GPHN: variants seen among roughly 807,000 people sequenced by gnomAD.
GPHN encodes the protein gephyrin.
A neutral mutation model predicts 95.5 loss-of-function variants in GPHN; 17 were observed. That is an observed-to-expected ratio of 0.18 (90% CI 0.12 to 0.27). The LOEUF (loss-of-function observed/expected upper bound fraction) is 0.27. Ranked by LOEUF, GPHN falls within the 10% of genes least tolerant of loss-of-function variation. The probability of loss-of-function intolerance (pLI) is 1.00; values close to 1 mark genes in which losing one functional copy is unlikely to be tolerated. For synonymous variants in GPHN, 320 were observed against 322.5 expected (o/e 0.99, Z 0.08); for missense variants, 660 against 978.1 (o/e 0.67, Z 4.34).
At chr14:66,748,670 G>A (rs1250056002) in intron 2 of GPHN, among the ~76,000 whole-genome samples, 2 of 151,904 alleles carry the variant, frequency 1.3e-5, no homozygotes, top group Non-Finnish European at 2.9e-5. Flanking sequence ...TCTGATTTTG[G>A]ATTTTGGAAT....
chr14:67,733,099 T>C, the GPHN span, among the ~76,000 whole-genome samples: 9 of 151,224 alleles, frequency 6.0e-5, no homozygotes, highest in Non-Finnish European at 1.3e-4. Context: ...TGTGCACATG[T>C]ACCCTAAAAC....
At chr14:66,721,673 G>A (rs1031548978) in intron 2 of GPHN, among the ~76,000 whole-genome samples, 2 of 152,010 alleles carry the variant, frequency 1.3e-5, no homozygotes, top group African/African-American at 4.8e-5. Context: ...GATTTGGGCC[G>A]GGCACAGTGC....
At chr14:67,445,701 A>C in the GPHN span, among the ~76,000 whole-genome samples, 3 of 147,706 alleles carry the variant, frequency 2.0e-5, no homozygotes, top group Non-Finnish European at 4.4e-5. Context: ...CTCCCACCTC[A>C]GTCCTCCTAA....
intron 4 of GPHN, among the ~76,000 whole-genome samples, chr14:66,857,834 G>A (rs960781847): frequency 2.6e-5 from 4 of 152,286 alleles, no homozygotes; most frequent in African/African-American, 7.2e-5. Flanking sequence ...GCATGGCATG[G>A]AGAGAGAATC....
intron 11 of GPHN, 41 bp from the exon 12 acceptor site, chr14:67,088,942 G>T: frequency 8.9e-7 from 1 of 1,123,172 alleles, no homozygotes; most frequent in Non-Finnish European, 1.4e-6. Context: ...CTTACCCATT[G>T]CTCTCCATAT....
the GPHN span, among the ~76,000 whole-genome samples, chr14:67,508,753 CAA>C: frequency 8.6e-4 from 40 of 46,710 alleles, 1 homozygote; most frequent in Middle Eastern, 0.015. Flanking sequence ...AACCTTGTCT[CAA>C]AAAAAAAAAA....
At chr14:66,736,327 C>G (rs1595733897) in intron 2 of GPHN, among the ~76,000 whole-genome samples, 1 of 150,640 alleles carries the variant, frequency 6.6e-6, no homozygotes, top group African/African-American at 2.4e-5. Flanking sequence ...ACTTGATAAT[C>G]TATAGAAGTT....
the GPHN span, among the ~76,000 whole-genome samples, chr14:67,379,081 T>C: frequency 6.6e-6 from 1 of 152,224 alleles, no homozygotes; most frequent in African/African-American, 2.4e-5. Flanking sequence ...TAGTATTTCA[T>C]TGTGAGAATA....
At chr14:66,781,660 G>T (rs2059612211) in intron 3 of GPHN, among the ~76,000 whole-genome samples, 1 of 151,968 alleles carries the variant, frequency 6.6e-6, no homozygotes, top group Non-Finnish European at 1.5e-5. Flanking sequence ...GTTTTTTTGT[G>T]TCTTGCTTTT....
intron 2 of GPHN, chr14:66,760,976 A>G (rs2058734395): frequency 1.6e-6 from 1 of 625,168 alleles, no homozygotes; most frequent in Non-Finnish European, 3.0e-6. Flanking sequence ...AGAAAATGGT[A>G]TAGCAGTTAC....
chr14:67,492,653 G>A, the GPHN span, among the ~76,000 whole-genome samples: 1,009 of 152,314 alleles, frequency 6.6e-3, 11 homozygotes, highest in African/African-American at 0.023. Flanking sequence ...AGCCTGGACC[G>A]CTCTTATGGT....
At chr14:67,096,493 T>C (rs1414175795) in intron 12 of GPHN, among the ~76,000 whole-genome samples, 2 of 152,202 alleles carry the variant, frequency 1.3e-5, no homozygotes, top group Non-Finnish European at 2.9e-5. Flanking sequence ...CCAAAAACTT[T>C]TTGAGAATGC....
chr14:67,026,635 TTTTG>T (rs904789525), intron 10 of GPHN, among the ~76,000 whole-genome samples: 2 of 151,876 alleles, frequency 1.3e-5, no homozygotes, highest in Non-Finnish European at 2.9e-5. Context: ...CCACATTTTT[TTTTG>T]TTTGTTTGTT....
At chr14:67,568,016 T>A in the GPHN span, among the ~76,000 whole-genome samples, 4 of 152,198 alleles carry the variant, frequency 2.6e-5, no homozygotes, top group Non-Finnish European at 5.9e-5. Context: ...GGACGGGCAT[T>A]CTCCCAGTGT....
intron 5 of GPHN, among the ~76,000 whole-genome samples, chr14:66,889,965 G>C (rs1312316407): frequency 6.6e-6 from 1 of 152,120 alleles, no homozygotes; most frequent in East Asian, 1.9e-4. Context: ...AAAAGGACTA[G>C]AAGAGTACAG....
At chr14:67,338,618 A>C in the GPHN span, 10 of 1,613,528 alleles carry the variant, frequency 6.2e-6, no homozygotes, top group Non-Finnish European at 8.5e-6. Context: ...AGAACAGGAA[A>C]GATTATTCAA....
the GPHN span, among the ~76,000 whole-genome samples, chr14:67,273,264 C>T: frequency 1.4e-4 from 21 of 151,962 alleles, no homozygotes; most frequent in Admixed American, 2.6e-4. Context: ...TATCGCTCCC[C>T]CCTCCCACCT....
intron 2 of GPHN, among the ~76,000 whole-genome samples, chr14:66,689,355 A>G (rs2067617696): frequency 6.6e-6 from 1 of 152,198 alleles, no homozygotes; most frequent in South Asian, 2.1e-4. Context: ...TGATTTGCAT[A>G]TGCTAAACCA....
intron 1 of GPHN, among the ~76,000 whole-genome samples, chr14:66,639,230 T>C (rs1176355794): frequency 6.6e-6 from 1 of 151,736 alleles, no homozygotes; most frequent in East Asian, 1.9e-4. Context: ...AAATGAAACT[T>C]TTGCAATTAT....
Sources: gnomAD v4.1 joint callset for allele counts (sites outside exome capture counted in the v4.1 genomes callset) on GRCh38, gnomAD v4.1.1 for gene constraint, MANE v1.5 for transcripts, NCBI Gene and HGNC (gene_info 2026-07-23, HGNC 2026-07-21) for gene names.